TSSK6: variants seen among roughly 807,000 people sequenced by gnomAD.
The protein encoded by TSSK6 is testis-specific serine/threonine-protein kinase 6.
TSSK6 carries 9 observed loss-of-function variants against 8.5 expected under a neutral mutation model. The observed-to-expected ratio is 1.06, with a 90% CI of 0.64 to 1.85. The LOEUF is 1.85. TSSK6 is among the 40% of genes most tolerant of loss of function. The pLI, the probability that TSSK6 is intolerant of heterozygous loss-of-function variation, is 0.00. For missense variants in TSSK6, 311 were observed against 391.5 expected (o/e 0.79, Z 1.73); for synonymous variants, 202 against 182.4 (o/e 1.11, Z -0.86).
Position 19,515,519 on chromosome 19 carries a change from C to T in TSSK6, c.-92G>A. ...CGGGTCTAAGCCATGGCGCTTGGCA[C>T]CTACACCCCCGCACCCCCATGTGCC... is the stretch of plus-strand genomic sequence containing the variant. On this transcript the variant is annotated 5_prime_UTR_variant, in exon 1 of 1. It adds an upstream start codon to the 5' untranslated region. Coordinates refer to ENST00000585580, the MANE Select transcript of TSSK6 (RefSeq NM_032037.4). 1.7e-6 allele frequency: 2 copies of T among 1,203,968 alleles called. No homozygotes were observed. 74.6% of individuals were successfully genotyped at this position (1,203,968 alleles called of 1,614,324 possible). A position where few individuals can be genotyped will look rare whatever the true frequency, so the allele number is the denominator to read the frequency against.
rs1056605372 is a variant in TSSK6 at position 19,514,583 on chromosome 19, G to A, written c.*23C>T. ...CCTGGCCCAGTGCCCTTGGCTGCAG[G>A]AATGGCTGGAACCACCCGGCTTCTA... On this transcript the variant is annotated 3_prime_UTR_variant, in exon 1 of 1. Coordinates refer to ENST00000585580, the MANE Select transcript of TSSK6 (RefSeq NM_032037.4). 3.3e-6 allele frequency: 5 copies of A among 1,528,700 alleles called. No homozygotes were observed. Among genetic ancestry groups the A allele is most frequent in the Admixed American group, 4.1e-5 (2 of 49,284 alleles). The allele number at this position is 1,528,700 out of a possible 1,614,324, so 94.7% of individuals were successfully genotyped here. A position where few individuals can be genotyped will look rare whatever the true frequency, so the allele number is the denominator to read the frequency against.
At position 19,515,494 on chromosome 19, in the gene TSSK6, C is replaced by T. The variant is rs1177731136; in HGVS notation, c.-67G>A. On this transcript the variant is annotated 5_prime_UTR_variant, in exon 1 of 1. Coordinates refer to ENST00000585580, the MANE Select transcript of TSSK6 (RefSeq NM_032037.4). Reference sequence around the variant, plus strand: ...TCGGGGGGCGGCCGGACTCCAATCTCGGGTCTAAGCCATGGCGCTTGGCAC... The same window carrying T: ...TCGGGGGGCGGCCGGACTCCAATCTTGGGTCTAAGCCATGGCGCTTGGCAC... 7 of 1,459,156 alleles carry T rather than the reference C, an allele frequency of 4.8e-6. No homozygotes were observed. The highest frequency in any genetic ancestry group is 4.7e-6 in the Non-Finnish European group (5 of 1,068,654). 90.4% of individuals were successfully genotyped at this position (1,459,156 alleles called of 1,614,324 possible).
At position 19,514,613 on chromosome 19, in the gene TSSK6, G is replaced by A. The variant is rs755607299; in HGVS notation, c.815C>T (p.Ser272Phe). 2 of 1,578,262 alleles carry A rather than the reference G, an allele frequency of 1.3e-6. No individual in the cohort carries two copies. The highest frequency in any genetic ancestry group is 2.2e-5 in the South Asian group (2 of 89,264). Residue 272 changes from serine (S) to phenylalanine (F), a missense_variant, in exon 1 of 1, where the codon TCC (serine) becomes TTC (phenylalanine). Ser to Phe is a radical substitution (Grantham distance 155, BLOSUM62 -2). Coordinates refer to ENST00000585580, the MANE Select transcript of TSSK6 (RefSeq NM_032037.4). ...ARNCWLRAGD[S>F]G ...GCTGGAACCACCCGGCTTCTAGCCG[G>A]AGTCCCCGGCGCGCAGCCAGCAGTT... is the stretch of plus-strand genomic sequence containing the variant.
At position 19,514,734 on chromosome 19, in the gene TSSK6, C is replaced by T. The variant is rs2061037437; in HGVS notation, c.694G>A (p.Glu232Lys). The change falls in exon 1 of 1, where the codon GAA becomes AAA. Residue 232 changes from glutamate (E) to lysine (K), a missense_variant. Glu to Lys is a moderately conservative substitution (Grantham distance 56). Transcript: ENST00000585580. ...CAGCGCTCGGACAGCTCGAGGCCTT[C>T]GGGATAGAGCACGCCGCGTTTCTGG... Reference protein sequence around the residue: ...RRQKRGVLYPEGLELSERCKA... With the variant: ...RRQKRGVLYPKGLELSERCKA... 1 of 1,602,622 alleles carries T rather than the reference C, an allele frequency of 6.2e-7. No homozygotes were observed. The highest frequency in any genetic ancestry group is 8.5e-7 in the Non-Finnish European group (1 of 1,179,666).
In TSSK6 at chr19:19,514,263, G is replaced by A. The variant is rs2061033817; in HGVS notation, c.*343C>T. 1 of 304,806 alleles carries A rather than the reference G, an allele frequency of 3.3e-6. No homozygotes were observed. Among genetic ancestry groups the A allele is most frequent in the Non-Finnish European group, 6.1e-6 (1 of 163,608 alleles). 18.9% of individuals were successfully genotyped at this position (304,806 alleles called of 1,614,324 possible). A position where few individuals can be genotyped will look rare whatever the true frequency, so the allele number is the denominator to read the frequency against. ...ATTGCAGGTTCCAACCGGGAACCTG[G>A]CACCCACGGCTGGTTGGGAAGGGAC... On this transcript the variant is annotated 3_prime_UTR_variant, in exon 1 of 1. Transcript: ENST00000585580.
rs1279458835 is a variant in TSSK6, at chr19:19,515,094, C to T, written c.334G>A (p.Ala112Thr). 6.2e-7 allele frequency: 1 copy of T among 1,605,530 alleles called. No individual in the cohort carries two copies. The change falls in exon 1 of 1, where the codon GCG (alanine) becomes ACG (threonine). Residue 112 changes from alanine to threonine, a missense_variant. Physicochemically the swap from Ala to Thr is moderately conservative, Grantham distance 58 (BLOSUM62 0). Coordinates refer to ENST00000585580, the MANE Select transcript of TSSK6 (RefSeq NM_032037.4). Reference sequence around the variant, plus strand: ...GCGATCTGCGCAAAGAGGTCGCGCGCCTGAACTCCGGGGATGCGCCCGTTG... The same window carrying T: ...GCGATCTGCGCAAAGAGGTCGCGCGTCTGAACTCCGGGGATGCGCCCGTTG... ...QRNGRIPGVQ[A>T]RDLFAQIAGA...
Position 19,514,982 on chromosome 19 carries a change from C to A in TSSK6, c.446G>T (p.Arg149Leu), listed in dbSNP as rs764926235. 1.1e-5 allele frequency: 17 copies of A among 1,606,154 alleles called. No individual in the cohort carries two copies. The Admixed American group carries it at 2.7e-4, about 25-fold the overall frequency. The change falls in exon 1 of 1, where the codon CGC becomes CTC. Residue 149 changes from arginine to leucine, a missense_variant. Arg to Leu is a moderately radical substitution (Grantham distance 102, BLOSUM62 -2). Coordinates refer to ENST00000585580, the MANE Select transcript of TSSK6 (RefSeq NM_032037.4). ...ENVLLSPDER[R>L]VKLTDFGFGR... ...GAAGCCGAAGTCGGTGAGCTTGACG[C>A]GGCGCTCGTCCGGGCTCAGCAGCAC...
At position 19,514,432 on chromosome 19, in the gene TSSK6, A is replaced by G. The variant is rs2061035263; in HGVS notation, c.*174T>C. 23 of 670,520 alleles carry G rather than the reference A, an allele frequency of 3.4e-5. No homozygotes were observed. In the East Asian group the frequency reaches 6.2e-4, roughly 18 times the overall value. 41.5% of individuals were successfully genotyped at this position (670,520 alleles called of 1,614,324 possible). A position where few individuals can be genotyped will look rare whatever the true frequency, so the allele number is the denominator to read the frequency against. On this transcript the variant is annotated 3_prime_UTR_variant, in exon 1 of 1. Transcript: ENST00000585580. ...GGATCGCGGGGAACGTGGATTCCGA[A>G]CAAGGGCAACTGCGGACTCCCCCGT...
chr19:19,514,334 C>T lies in TSSK6; in HGVS notation c.*272G>A, dbSNP rs1029303495. The T allele has an allele frequency of 1.6e-5, 8 of 501,924 alleles. No individual in the cohort carries two copies. Among genetic ancestry groups the T allele is most frequent in the Non-Finnish European group, 2.8e-5 (8 of 281,990 alleles). 31.1% of individuals were successfully genotyped at this position (501,924 alleles called of 1,614,324 possible). On this transcript the variant is annotated 3_prime_UTR_variant, in exon 1 of 1. Coordinates refer to ENST00000585580, the MANE Select transcript of TSSK6 (RefSeq NM_032037.4). ...GAGTTCCGCGCAGGCGCAATGCTTC[C>T]GTCCCCTCTGGTCTCGCCCTCTCGG... is the stretch of plus-strand genomic sequence containing the variant.
chr19:19,515,021 A>C lies in TSSK6; in HGVS notation c.407T>G (p.Leu136Arg). ...LHDHHLVHRD[L>R]KCENVLLSPD... ...GCTCAGCAGCACGTTTTCGCACTTGAGGTCGCGGTGCACCAGGTGATGATC... is the reference window on the plus strand; with the variant it reads ...GCTCAGCAGCACGTTTTCGCACTTGCGGTCGCGGTGCACCAGGTGATGATC... The change falls in exon 1 of 1, where the codon CTC becomes CGC. Residue 136 changes from leucine (L) to arginine (R), a missense_variant. Coordinates refer to ENST00000585580, the MANE Select transcript of TSSK6 (RefSeq NM_032037.4). 3.7e-6 allele frequency: 6 copies of C among 1,611,254 alleles called. No homozygotes were observed. The highest frequency in any genetic ancestry group is 5.1e-6 in the Non-Finnish European group (6 of 1,178,908).
chr19:19,515,488 C>A lies in TSSK6; in HGVS notation c.-61G>T. 4 of 1,482,954 alleles carry A rather than the reference C, an allele frequency of 2.7e-6. No homozygotes were observed. Among genetic ancestry groups the A allele is most frequent in the South Asian group, 2.5e-5 (2 of 79,876 alleles). The allele number at this position is 1,482,954 out of a possible 1,614,324, so 91.9% of individuals were successfully genotyped here. A position where few individuals can be genotyped will look rare whatever the true frequency, so the allele number is the denominator to read the frequency against. ...CTGCTGTCGGGGGGCGGCCGGACTC[C>A]AATCTCGGGTCTAAGCCATGGCGCT... On this transcript the variant is annotated 5_prime_UTR_variant, in exon 1 of 1. The change creates a premature stop within an existing upstream ORF in the 5' untranslated region. Transcript: ENST00000585580.
rs760523506 is a variant in TSSK6 at position 19,514,880 on chromosome 19, A to G, written c.548T>C (p.Leu183Pro). 6.2e-7 allele frequency: 1 copy of G among 1,601,048 alleles called. No individual in the cohort carries two copies. The highest frequency in any genetic ancestry group is 1.7e-5 in the Admixed American group (1 of 59,920). Residue 183 changes from leucine (L) to proline (P), a missense_variant, in exon 1 of 1, where the codon CTC becomes CCC. Coordinates refer to ENST00000585580, the MANE Select transcript of TSSK6 (RefSeq NM_032037.4). The stretch of plus-strand genomic sequence containing the variant: ...CTTGGGGTCGTAGGGGATGCCCAGG[A>G]GCACCTCGGGTGACGCGTAGGCGGC... ...GSAAYASPEV[L>P]LGIPYDPKKY... is the part of the protein sequence containing the mutation.
In TSSK6 at chr19:19,515,230, G is replaced by A. The variant is rs1235807317; in HGVS notation, c.198C>T (p.Gly66=). 6.2e-7 allele frequency: 1 copy of A among 1,612,362 alleles called. No individual in the cohort carries two copies. Among genetic ancestry groups the A allele is most frequent in the African/African-American group, 1.3e-5 (1 of 75,046 alleles). Residue 66 remains glycine (G), a synonymous_variant, in exon 1 of 1, where the codon GGC becomes GGT. Transcript: ENST00000585580. The part of the protein sequence containing the change: ...FLPRELSILR[G]VRHPHIVHVF... Reference sequence around the variant, plus strand: ...CGTGCACGATGTGCGGGTGTCGCACGCCCCGCAGGATGGACAGCTCTCGCG... The same window carrying A: ...CGTGCACGATGTGCGGGTGTCGCACACCCCGCAGGATGGACAGCTCTCGCG...
rs2061036918 is a variant in TSSK6 at position 19,514,660 on chromosome 19, G to A, written c.768C>T (p.Pro256=). The A allele has an allele frequency of 1.3e-6, 2 of 1,598,884 alleles. No individual in the cohort carries two copies. Among genetic ancestry groups the A allele is most frequent in the East Asian group, 2.2e-5 (1 of 44,842 alleles). ...AGTTGCGCGCTACCTGGCCCGCGGA[G>A]GGCCTGGCGGACGGGCTGAACTGCA... ...ELLQFSPSAR[P]SAGQVARNCW... The change falls in exon 1 of 1, where the codon CCC becomes CCT. Residue 256 remains proline, a synonymous_variant. Coordinates refer to ENST00000585580, the MANE Select transcript of TSSK6 (RefSeq NM_032037.4).
rs1434097325 is a variant in TSSK6 at position 19,515,411 on chromosome 19, A to G, written c.17T>C (p.Leu6Pro). 2.5e-6 allele frequency: 4 copies of G among 1,596,110 alleles called. No individual in the cohort carries two copies. The highest frequency in any genetic ancestry group is 3.4e-6 in the Non-Finnish European group (4 of 1,166,382). Reference protein sequence around the residue: MSGDKLLSELGYKLGR... With the variant: MSGDKPLSELGYKLGR... ...CAGCTTATAACCGAGTTCGCTCAGA[A>G]GTTTGTCTCCCGACATGGTGGCGCC... is the stretch of plus-strand genomic sequence containing the variant. Residue 6 changes from leucine (L) to proline (P), a missense_variant, in exon 1 of 1, where the codon CTT (leucine) becomes CCT (proline). Transcript: ENST00000585580.
rs1281186116 is a variant in TSSK6 at position 19,514,378 on chromosome 19, C to A, written c.*228G>T. On this transcript the variant is annotated 3_prime_UTR_variant, in exon 1 of 1. Transcript: ENST00000585580. ...CTCTCGGGGCCTGGTCGCAGGGAAT[C>A]GCGGATGCGCATGCGCCTCCAGCTC... is the stretch of plus-strand genomic sequence containing the variant. 4 of 571,560 alleles carry A rather than the reference C, an allele frequency of 7.0e-6. No homozygotes were observed. Among genetic ancestry groups the A allele is most frequent in the Non-Finnish European group, 3.1e-6 (1 of 324,356 alleles). The allele number at this position is 571,560 out of a possible 1,614,324, so 35.4% of individuals were successfully genotyped here. A position where few individuals can be genotyped will look rare whatever the true frequency, so the allele number is the denominator to read the frequency against.
At position 19,515,135 on chromosome 19, in the gene TSSK6, A is replaced by C; in HGVS notation, c.293T>G (p.Leu98Arg). The C allele has an allele frequency of 6.2e-7, 1 of 1,605,910 alleles. No homozygotes were observed. The highest frequency in any genetic ancestry group is 8.5e-7 in the Non-Finnish European group (1 of 1,179,522). The change falls in exon 1 of 1, where the codon CTG becomes CGG. Residue 98 changes from leucine (L) to arginine (R), a missense_variant. Physicochemically the swap from Leu to Arg is moderately radical, Grantham distance 102. Transcript: ENST00000585580. ...IVMEAAATDLLQAVQRNGRIP... is the reference protein window; with the variant it reads ...IVMEAAATDLRQAVQRNGRIP... ...GCGCCCGTTGCGCTGCACGGCTTGC[A>C]GCAGGTCGGTGGCGGCCGCTTCCAT...
chr19:19,514,901 G>C lies in TSSK6; in HGVS notation c.527C>G (p.Ala176Gly). 1 of 1,602,758 alleles carries C rather than the reference G, an allele frequency of 6.2e-7. No individual in the cohort carries two copies. The highest frequency in any genetic ancestry group is 8.5e-7 in the Non-Finnish European group (1 of 1,177,916). The change falls in exon 1 of 1, where the codon GCC (alanine) becomes GGC (glycine). Residue 176 changes from alanine to glycine, a missense_variant. By Grantham distance (60) the Ala-to-Gly change is moderately conservative. Transcript: ENST00000585580. The part of the protein sequence containing the change: ...DLSTTYCGSA[A>G]YASPEVLLGI... ...CAGGAGCACCTCGGGTGACGCGTAGGCGGCTGAGCCGCAGTAGGTGGTGCT... is the reference window on the plus strand; with the variant it reads ...CAGGAGCACCTCGGGTGACGCGTAGCCGGCTGAGCCGCAGTAGGTGGTGCT...
At position 19,515,286 on chromosome 19, in the gene TSSK6, C is replaced by T. The variant is rs1219354821; in HGVS notation, c.142G>A (p.Ala48Thr). 2 of 1,613,972 alleles carry T rather than the reference C, an allele frequency of 1.2e-6. No individual in the cohort carries two copies. Among genetic ancestry groups the T allele is most frequent in the South Asian group, 1.1e-5 (1 of 91,088 alleles). Residue 48 changes from alanine to threonine, a missense_variant, in exon 1 of 1, where the codon GCG (alanine) becomes ACG (threonine). Coordinates refer to ENST00000585580, the MANE Select transcript of TSSK6 (RefSeq NM_032037.4). Reference protein sequence around the residue: ...VAIKVVDRRRAPPDFVNKFLP... With the variant: ...VAIKVVDRRRTPPDFVNKFLP... Reference sequence around the variant, plus strand: ...AACTTGTTGACGAAGTCCGGGGGCGCTCGCCGCCGGTCCACCACCTTGATG... The same window carrying T: ...AACTTGTTGACGAAGTCCGGGGGCGTTCGCCGCCGGTCCACCACCTTGATG...
Sources: gnomAD v4.1 joint callset for allele counts on GRCh38, gnomAD v4.1.1 for gene constraint, MANE v1.5 for transcripts, NCBI Gene and HGNC (gene_info 2026-07-23, HGNC 2026-07-21) for gene names.